Variants in PVT1 observed in about 807,000 individuals in gnomAD.
PVT1 encodes the protein Pvt1 oncogene.
At chr8:127,831,028 C>A (rs543795590) in intron 2 of PVT1, among the ~76,000 whole-genome samples, 2 of 146,180 alleles carry the variant, frequency 1.4e-5, no homozygotes, top group African/African-American at 5.0e-5. Context: ...TAATAAACTC[C>A]TCTTTATATA....
intron 2 of PVT1, among the ~76,000 whole-genome samples, chr8:127,855,559 C>G (rs557690256): frequency 6.6e-6 from 1 of 152,276 alleles, no homozygotes; most frequent in East Asian, 1.9e-4. Context: ...AGCCCCTTCT[C>G]TCTCCCGGGA....
intron 2 of PVT1, chr8:127,803,125 CTT>C (rs57755504): frequency 4.7e-5 from 5 of 105,346 alleles, no homozygotes; most frequent in Non-Finnish European, 7.1e-5. Context: ...TTCTTTCTTT[CTT>C]TTTTTTTTTT....
intron 2 of PVT1, among the ~76,000 whole-genome samples, chr8:127,810,298 G>A (rs767645169): frequency 1.3e-5 from 2 of 152,206 alleles, no homozygotes; most frequent in African/African-American, 4.8e-5. Flanking sequence ...TGCTGATCTC[G>A]TTAAAAAGGA....
At chr8:128,040,796 G>A (rs1813521454) in intron 4 of PVT1, among the ~76,000 whole-genome samples, 1 of 151,770 alleles carries the variant, frequency 6.6e-6, no homozygotes, top group South Asian at 2.1e-4. Flanking sequence ...GCTTGTGTTT[G>A]AGTGCTTCTG....
chr8:127,835,746 A>G (rs1411576231), intron 2 of PVT1, among the ~76,000 whole-genome samples: 1 of 152,190 alleles, frequency 6.6e-6, no homozygotes, highest in Non-Finnish European at 1.5e-5. Flanking sequence ...GCAGTGAGTG[A>G]GTTCTCCATC....
At chr8:128,032,375 A>G (rs1261547267) in intron 4 of PVT1, among the ~76,000 whole-genome samples, 2 of 152,178 alleles carry the variant, frequency 1.3e-5, no homozygotes, top group East Asian at 3.8e-4. Flanking sequence ...TTCCCTCAGG[A>G]CAGGAAACTT....
intron 3 of PVT1, among the ~76,000 whole-genome samples, chr8:127,941,726 A>G (rs1016875478): frequency 6.6e-6 from 1 of 152,216 alleles, no homozygotes; most frequent in Non-Finnish European, 1.5e-5. Flanking sequence ...ATGCCTTTGC[A>G]AATTTTATTC....
intron 3 of PVT1, among the ~76,000 whole-genome samples, chr8:127,983,264 T>C (rs7001051): frequency 0.09 from 13,729 of 152,186 alleles, 2,049 homozygotes; most frequent in African/African-American, 0.31. Flanking sequence ...GTAGTAGCCA[T>C]CCATTTTTCT....
intron 2 of PVT1, among the ~76,000 whole-genome samples, chr8:127,799,573 T>A (rs1308215037): frequency 6.6e-6 from 1 of 152,114 alleles, no homozygotes; most frequent in East Asian, 1.9e-4. Context: ...AAACAGACAG[T>A]AGCAGGAGGC....
intron 3 of PVT1, chr8:127,932,769 G>C (rs1816223763): frequency 3.2e-6 from 1 of 313,674 alleles, no homozygotes; most frequent in Non-Finnish European, 5.7e-6. Flanking sequence ...ATATATAGTA[G>C]ATATACACAT....
chr8:127,869,778 A>G (rs1815331076), intron 2 of PVT1, among the ~76,000 whole-genome samples: 1 of 152,124 alleles, frequency 6.6e-6, no homozygotes, highest in African/African-American at 2.4e-5. Flanking sequence ...ACTTCAGAAC[A>G]TGGCATTATT....
At chr8:127,856,983 T>C (rs1244326025) in intron 2 of PVT1, among the ~76,000 whole-genome samples, 1 of 152,056 alleles carries the variant, frequency 6.6e-6, no homozygotes, top group African/African-American at 2.4e-5. Context: ...TCCAGCACTT[T>C]GGGAGGCCGA....
intron 2 of PVT1, among the ~76,000 whole-genome samples, chr8:127,809,935 A>G (rs1359078883): frequency 6.6e-6 from 1 of 152,198 alleles, no homozygotes; most frequent in Non-Finnish European, 1.5e-5. Flanking sequence ...AAAAGAGTTC[A>G]TTTTGTCGGT....
At chr8:128,032,139 G>T (rs905080103) in intron 4 of PVT1, among the ~76,000 whole-genome samples, 1 of 152,164 alleles carries the variant, frequency 6.6e-6, no homozygotes, top group Admixed American at 6.5e-5. Context: ...CAGGAAACCG[G>T]GCCTTAAGAG....
intron 2 of PVT1, among the ~76,000 whole-genome samples, chr8:127,824,103 C>T (rs1053965140): frequency 6.6e-6 from 1 of 152,104 alleles, no homozygotes; most frequent in Non-Finnish European, 1.5e-5. Context: ...ATTGCTCGAG[C>T]CCAGGAGTTT....
chr8:127,963,502 A>G (rs936197824), intron 3 of PVT1, among the ~76,000 whole-genome samples: 28 of 152,156 alleles, frequency 1.8e-4, no homozygotes, highest in Non-Finnish European at 8.8e-5. Flanking sequence ...AGTTCCCTGA[A>G]CTACTAACAC....
intron 4 of PVT1, among the ~76,000 whole-genome samples, chr8:128,034,816 T>G (rs143072985): frequency 6.6e-6 from 1 of 152,310 alleles, no homozygotes; most frequent in East Asian, 1.9e-4. Flanking sequence ...GTTTGACAGG[T>G]TCAGGTTTGA....
At chr8:127,829,317 T>C (rs887563316) in intron 2 of PVT1, among the ~76,000 whole-genome samples, 3 of 152,176 alleles carry the variant, frequency 2.0e-5, no homozygotes, top group Non-Finnish European at 4.4e-5. Context: ...TAAAACCTTA[T>C]ATATATTCAC....
chr8:127,796,465 G>A, intron 2 of PVT1, among the ~76,000 whole-genome samples: 1 of 152,042 alleles, frequency 6.6e-6, no homozygotes, highest in East Asian at 1.9e-4. Context: ...TCAATTCCCT[G>A]TTCTTTAGTT....
Sources: gnomAD v4.1 joint callset for allele counts (sites outside exome capture counted in the v4.1 genomes callset) on GRCh38, gnomAD v4.1.1 for gene constraint, MANE v1.5 for transcripts, NCBI Gene and HGNC (gene_info 2026-07-23, HGNC 2026-07-21) for gene names.